The following H4C1 variants were observed in gnomAD, a reference collection of about 807,000 sequenced individuals.
H4C1 encodes histone H4.
H4C1 carries 9 observed loss-of-function variants against 4.4 expected under a neutral mutation model. That is an observed-to-expected ratio of 2.05 (90% CI 1.23 to 3.57). The LOEUF (loss-of-function observed/expected upper bound fraction) is 3.57, where lower values mean the gene tolerates loss of function less well. Ranked by LOEUF, H4C1 falls within the 30% of genes most tolerant of loss-of-function variation. The pLI, the probability that H4C1 is intolerant of heterozygous loss-of-function variation, is 0.00. For missense variants in H4C1, 124 were observed against 148.8 expected (o/e 0.83, Z 0.87); for synonymous variants, 74 against 57.9 (o/e 1.28, Z -1.27).
Position 26,021,938 on chromosome 6 carries a change from TG to T in H4C1, c.262del (p.Val88SerfsTer?), listed in dbSNP as rs762325639. ...CGCAAGACAGTCACTGCCATGGACG[TG>T]GTCTACGCGCTTAAGCGCCAGGGAC... Reference protein sequence around the residue: ...AKRKTVTAMDVVYALKRQGRT... With the variant: ...AKRKTVTAMDXVYALKRQGRT... On this transcript the variant is annotated frameshift_variant, in exon 1 of 1. Transcript: ENST00000617569. LOFTEE classifies it high-confidence loss of function. The T allele has an allele frequency of 1.3e-5, 21 of 1,612,890 alleles. No homozygotes were observed. The highest frequency in any genetic ancestry group is 1.5e-5 in the Non-Finnish European group (18 of 1,179,192).
At position 26,022,044 on chromosome 6, in the gene H4C1, C is replaced by G; in HGVS notation, c.*54C>G. 1 of 1,483,230 alleles carries G rather than the reference C, an allele frequency of 6.7e-7. No individual in the cohort carries two copies. The allele number at this position is 1,483,230 out of a possible 1,614,324, so 91.9% of individuals were successfully genotyped here. A position where few individuals can be genotyped will look rare whatever the true frequency, so the allele number is the denominator to read the frequency against. On this transcript the variant is annotated 3_prime_UTR_variant, in exon 1 of 1. Transcript: ENST00000617569. ...TCTGAACCAAAGGCCCTTTTCAGGG[C>G]CGCCCAACTAAACAAAAGAAGAGCT...
chr6:26,021,668 C>A lies in H4C1; in HGVS notation c.-11C>A, dbSNP rs1361327326. On this transcript the variant is annotated 5_prime_UTR_variant, in exon 1 of 1. Coordinates refer to ENST00000617569, the MANE Select transcript of H4C1 (RefSeq NM_003538.4). ...TCTCTCACTTGCTCTTGGTTCACTT[C>A]TTGGGAAGTCATGTCTGGACGTGGT... 12 of 1,585,438 alleles carry A rather than the reference C, an allele frequency of 7.6e-6. No individual in the cohort carries two copies. The highest frequency in any genetic ancestry group is 1.7e-4 in the Middle Eastern group (1 of 5,934).
At position 26,022,046 on chromosome 6, in the gene H4C1, G is replaced by A; in HGVS notation, c.*56G>A. 4.1e-6 allele frequency: 6 copies of A among 1,468,380 alleles called. No individual in the cohort carries two copies. Among genetic ancestry groups the A allele is most frequent in the Non-Finnish European group, 5.5e-6 (6 of 1,089,588 alleles). The allele number at this position is 1,468,380 out of a possible 1,614,324, so 91.0% of individuals were successfully genotyped here. ...TGAACCAAAGGCCCTTTTCAGGGCC[G>A]CCCAACTAAACAAAAGAAGAGCTGT... On this transcript the variant is annotated 3_prime_UTR_variant, in exon 1 of 1. Transcript: ENST00000617569.
Position 26,021,995 on chromosome 6 carries a change from G to A in H4C1, c.*5G>A. The A allele has an allele frequency of 1.3e-6, 2 of 1,565,062 alleles. No homozygotes were observed. The highest frequency in any genetic ancestry group is 1.7e-6 in the Non-Finnish European group (2 of 1,154,902). ...CTTTATGGCTTTGGCGGTTAAGGTT[G>A]CTGATTTCTCCACAGCTTGCATTTC... On this transcript the variant is annotated 3_prime_UTR_variant, in exon 1 of 1. Transcript: ENST00000617569.
At position 26,022,008 on chromosome 6, in the gene H4C1, C is replaced by A; in HGVS notation, c.*18C>A. 2 of 1,549,772 alleles carry A rather than the reference C, an allele frequency of 1.3e-6. No individual in the cohort carries two copies. The highest frequency in any genetic ancestry group is 1.2e-5 in the South Asian group (1 of 80,656). On this transcript the variant is annotated 3_prime_UTR_variant, in exon 1 of 1. Transcript: ENST00000617569. ...GCGGTTAAGGTTGCTGATTTCTCCA[C>A]AGCTTGCATTTCTGAACCAAAGGCC...
At position 26,022,040 on chromosome 6, in the gene H4C1, A is replaced by G; in HGVS notation, c.*50A>G. ...CATTTCTGAACCAAAGGCCCTTTTC[A>G]GGGCCGCCCAACTAAACAAAAGAAG... On this transcript the variant is annotated 3_prime_UTR_variant, in exon 1 of 1. Coordinates refer to ENST00000617569, the MANE Select transcript of H4C1 (RefSeq NM_003538.4). 6.7e-7 allele frequency: 1 copy of G among 1,499,706 alleles called. No homozygotes were observed. The allele number at this position is 1,499,706 out of a possible 1,614,324, so 92.9% of individuals were successfully genotyped here.
rs141011612 is a variant in H4C1, at chr6:26,021,735, C to T, written c.57C>T (p.His19=). The T allele has an allele frequency of 3.9e-4, 636 of 1,614,088 alleles. 3 individuals carry two copies. In the African/African-American group the frequency reaches 6.6e-3, roughly 17 times the overall value. ...TGGGTAAGGGGGGTGCCAAGCGCCA[C>T]CGCAAGGTGTTGCGTGACAACATCC... ...KGLGKGGAKR[H]RKVLRDNIQG... Residue 19 remains histidine, a synonymous_variant, in exon 1 of 1, where the codon CAC becomes CAT. Transcript: ENST00000617569.
At position 26,021,958 on chromosome 6, in the gene H4C1, C is replaced by T; in HGVS notation, c.280C>T (p.Gln94Ter). The T allele has an allele frequency of 6.2e-7, 1 of 1,608,886 alleles. No homozygotes were observed. The highest frequency in any genetic ancestry group is 8.5e-7 in the Non-Finnish European group (1 of 1,176,638). ...AMDVVYALKRQGRTLYGFGG is the reference protein window; with the variant it reads ...AMDVVYALKR Reference sequence around the variant, plus strand: ...GGACGTGGTCTACGCGCTTAAGCGCCAGGGACGCACCCTTTATGGCTTTGG... The same window carrying T: ...GGACGTGGTCTACGCGCTTAAGCGCTAGGGACGCACCCTTTATGGCTTTGG... Residue 94 changes from glutamine (Q) to a stop codon, truncating the protein, a stop_gained, in exon 1 of 1, where the codon CAG (glutamine) becomes TAG (stop). Transcript: ENST00000617569. LOFTEE classifies it high-confidence loss of function.
In H4C1 at chr6:26,021,686, G is replaced by T. The variant is rs760174502; in HGVS notation, c.8G>T (p.Gly3Val). 6.9e-6 allele frequency: 11 copies of T among 1,600,966 alleles called. No homozygotes were observed. The highest frequency in any genetic ancestry group is 1.1e-5 in the South Asian group (1 of 89,438). MS[G>V]RGKGGKGLGK... is the part of the protein sequence containing the mutation. ...TTCACTTCTTGGGAAGTCATGTCTG[G>T]ACGTGGTAAGGGCGGGAAGGGTTTG... is the stretch of plus-strand genomic sequence containing the variant. The change falls in exon 1 of 1, where the codon GGA becomes GTA. Residue 3 changes from glycine (G) to valine (V), a missense_variant. By Grantham distance (109) the Gly-to-Val change is moderately radical. Coordinates refer to ENST00000617569, the MANE Select transcript of H4C1 (RefSeq NM_003538.4).
chr6:26,021,711 G>A lies in H4C1; in HGVS notation c.33G>A (p.Leu11=). Residue 11 remains leucine (L), a synonymous_variant, in exon 1 of 1, where the codon TTG becomes TTA. Coordinates refer to ENST00000617569, the MANE Select transcript of H4C1 (RefSeq NM_003538.4). ...GACGTGGTAAGGGCGGGAAGGGTTTGGGTAAGGGGGGTGCCAAGCGCCACC... is the reference window on the plus strand; with the variant it reads ...GACGTGGTAAGGGCGGGAAGGGTTTAGGTAAGGGGGGTGCCAAGCGCCACC... MSGRGKGGKG[L]GKGGAKRHRK... 1 of 1,612,488 alleles carries A rather than the reference G, an allele frequency of 6.2e-7. No individual in the cohort carries two copies. Among genetic ancestry groups the A allele is most frequent in the South Asian group, 1.1e-5 (1 of 90,862 alleles).
chr6:26,021,835 G>A lies in H4C1; in HGVS notation c.157G>A (p.Glu53Lys). The change falls in exon 1 of 1, where the codon GAG becomes AAG. Residue 53 changes from glutamate to lysine, a missense_variant. Physicochemically the swap from Glu to Lys is moderately conservative, Grantham distance 56 (BLOSUM62 1). Coordinates refer to ENST00000617569, the MANE Select transcript of H4C1 (RefSeq NM_003538.4). ...GVKRISGLIYEETRGVLKVFL... is the reference protein window; with the variant it reads ...GVKRISGLIYKETRGVLKVFL... ...GAAGCGGATCTCTGGTCTGATCTAC[G>A]AGGAGACTCGCGGGGTGCTCAAGGT... 1 of 1,614,258 alleles carries A rather than the reference G, an allele frequency of 6.2e-7. No homozygotes were observed. The highest frequency in any genetic ancestry group is 8.5e-7 in the Non-Finnish European group (1 of 1,180,042).
In H4C1 at chr6:26,021,868, G is replaced by T. The variant is rs754515486; in HGVS notation, c.190G>T (p.Glu64Ter). ...TCGCGGGGTGCTCAAGGTGTTTTTGGAGAACGTGATCCGTGACGCTGTCAC... is the reference window on the plus strand; with the variant it reads ...TCGCGGGGTGCTCAAGGTGTTTTTGTAGAACGTGATCCGTGACGCTGTCAC... Reference protein sequence around the residue: ...ETRGVLKVFLENVIRDAVTYT... With the variant: ...ETRGVLKVFL Residue 64 changes from glutamate to a stop codon, truncating the protein, a stop_gained, in exon 1 of 1, where the codon GAG becomes TAG. Coordinates refer to ENST00000617569, the MANE Select transcript of H4C1 (RefSeq NM_003538.4). LOFTEE classifies it high-confidence loss of function. The T allele has an allele frequency of 1.2e-6, 2 of 1,614,124 alleles. No homozygotes were observed.
chr6:26,021,945 C>G lies in H4C1; in HGVS notation c.267C>G (p.Tyr89Ter). ...CAGTCACTGCCATGGACGTGGTCTA[C>G]GCGCTTAAGCGCCAGGGACGCACCC... is the stretch of plus-strand genomic sequence containing the variant. ...RKTVTAMDVV[Y>*]ALKRQGRTLY... Residue 89 changes from tyrosine (Y) to a stop codon, truncating the protein, a stop_gained, in exon 1 of 1, where the codon TAC becomes TAG. Coordinates refer to ENST00000617569, the MANE Select transcript of H4C1 (RefSeq NM_003538.4). LOFTEE classifies it high-confidence loss of function. 1 of 1,611,418 alleles carries G rather than the reference C, an allele frequency of 6.2e-7. No homozygotes were observed. Among genetic ancestry groups the G allele is most frequent in the South Asian group, 1.1e-5 (1 of 90,878 alleles).
Position 26,021,886 on chromosome 6 carries a change from G to C in H4C1, c.208G>C (p.Ala70Pro), listed in dbSNP as rs748080481. ...GTTTTTGGAGAACGTGATCCGTGAC[G>C]CTGTCACCTATACGGAGCACGCCAA... is the stretch of plus-strand genomic sequence containing the variant. Reference protein sequence around the residue: ...KVFLENVIRDAVTYTEHAKRK... With the variant: ...KVFLENVIRDPVTYTEHAKRK... The change falls in exon 1 of 1, where the codon GCT becomes CCT. Residue 70 changes from alanine to proline, a missense_variant. Physicochemically the swap from Ala to Pro is conservative, Grantham distance 27 (BLOSUM62 -1). Coordinates refer to ENST00000617569, the MANE Select transcript of H4C1 (RefSeq NM_003538.4). 6.2e-7 allele frequency: 1 copy of C among 1,614,242 alleles called. No individual in the cohort carries two copies.
Position 26,021,736 on chromosome 6 carries a change from C to G in H4C1, c.58C>G (p.Arg20Gly). 3 of 1,614,074 alleles carry G rather than the reference C, an allele frequency of 1.9e-6. No individual in the cohort carries two copies. The highest frequency in any genetic ancestry group is 2.5e-6 in the Non-Finnish European group (3 of 1,179,948). Residue 20 changes from arginine (R) to glycine (G), a missense_variant, in exon 1 of 1, where the codon CGC becomes GGC. By Grantham distance (125) the Arg-to-Gly change is moderately radical (BLOSUM62 -2). Transcript: ENST00000617569. ...GGGTAAGGGGGGTGCCAAGCGCCACCGCAAGGTGTTGCGTGACAACATCCA... is the reference window on the plus strand; with the variant it reads ...GGGTAAGGGGGGTGCCAAGCGCCACGGCAAGGTGTTGCGTGACAACATCCA... ...GLGKGGAKRH[R>G]KVLRDNIQGI...
rs1761265482 is a variant in H4C1, at chr6:26,021,922, G to A, written c.244G>A (p.Val82Ile). 1 of 1,613,862 alleles carries A rather than the reference G, an allele frequency of 6.2e-7. No individual in the cohort carries two copies. Among genetic ancestry groups the A allele is most frequent in the Admixed American group, 1.7e-5 (1 of 59,994 alleles). ...TYTEHAKRKT[V>I]TAMDVVYALK... ...TACGGAGCACGCCAAGCGCAAGACA[G>A]TCACTGCCATGGACGTGGTCTACGC... The change falls in exon 1 of 1, where the codon GTC becomes ATC. Residue 82 changes from valine (V) to isoleucine (I), a missense_variant. By Grantham distance (29) the Val-to-Ile change is conservative. Transcript: ENST00000617569.
chr6:26,021,858 G>A lies in H4C1; in HGVS notation c.180G>A (p.Lys60=), dbSNP rs753388292. 17 of 1,614,140 alleles carry A rather than the reference G, an allele frequency of 1.1e-5. No individual in the cohort carries two copies. In the African/African-American group the frequency reaches 1.6e-4, roughly 15 times the overall value. The change falls in exon 1 of 1, where the codon AAG becomes AAA. Residue 60 remains lysine, a synonymous_variant. Transcript: ENST00000617569. ...LIYEETRGVL[K]VFLENVIRDA... ...ACGAGGAGACTCGCGGGGTGCTCAA[G>A]GTGTTTTTGGAGAACGTGATCCGTG... is the stretch of plus-strand genomic sequence containing the variant.
In H4C1 at chr6:26,021,859, G is replaced by C. The variant is rs1761263482; in HGVS notation, c.181G>C (p.Val61Leu). Residue 61 changes from valine (V) to leucine (L), a missense_variant, in exon 1 of 1, where the codon GTG becomes CTG. Transcript: ENST00000617569. ...CGAGGAGACTCGCGGGGTGCTCAAG[G>C]TGTTTTTGGAGAACGTGATCCGTGA... is the stretch of plus-strand genomic sequence containing the variant. ...IYEETRGVLK[V>L]FLENVIRDAV... The C allele has an allele frequency of 6.2e-7, 1 of 1,614,142 alleles. No homozygotes were observed. The highest frequency in any genetic ancestry group is 1.3e-5 in the African/African-American group (1 of 74,952).
In H4C1 at chr6:26,021,722, G is replaced by A; in HGVS notation, c.44G>A (p.Gly15Asp). 3 of 1,613,566 alleles carry A rather than the reference G, an allele frequency of 1.9e-6. No individual in the cohort carries two copies. Among genetic ancestry groups the A allele is most frequent in the Non-Finnish European group, 2.5e-6 (3 of 1,179,644 alleles). The change falls in exon 1 of 1, where the codon GGT becomes GAT. Residue 15 changes from glycine to aspartate, a missense_variant. Transcript: ENST00000617569. Reference sequence around the variant, plus strand: ...GGCGGGAAGGGTTTGGGTAAGGGGGGTGCCAAGCGCCACCGCAAGGTGTTG... The same window carrying A: ...GGCGGGAAGGGTTTGGGTAAGGGGGATGCCAAGCGCCACCGCAAGGTGTTG... The part of the protein sequence containing the change: ...GKGGKGLGKG[G>D]AKRHRKVLRD...
Sources: allele counts gnomAD v4.1 joint callset, GRCh38; gene constraint gnomAD v4.1.1; transcripts MANE v1.5; gene names NCBI Gene and HGNC (gene_info 2026-07-23, HGNC 2026-07-21).